PHF8: variants seen among roughly 807,000 people sequenced by gnomAD.
The protein encoded by PHF8 is PHD finger protein 8.
In PHF8, 9 loss-of-function variants were observed where a neutral mutation model predicts 74.4. The observed-to-expected ratio is 0.12, with a 90% CI of 0.07 to 0.21. The LOEUF (loss-of-function observed/expected upper bound fraction) is 0.21, where lower values mean the gene tolerates loss of function less well. Among genes scored for constraint, PHF8 ranks in the 10% least tolerant of loss-of-function variants. The probability of loss-of-function intolerance (pLI) is 1.00; values close to 1 mark genes in which losing one functional copy is unlikely to be tolerated. For missense variants in PHF8, 478 were observed against 816.6 expected (o/e 0.59, Z 5.05); for synonymous variants, 311 against 316.6 (o/e 0.98, Z 0.19).
At chrX:53,984,319 T>C (rs927453504) in intron 18 of PHF8, among the ~76,000 whole-genome samples, 3 of 111,869 alleles carry the variant, frequency 2.7e-5, no homozygotes, top group Non-Finnish European at 5.6e-5. Context: ...TGAGCTGAGA[T>C]GGCACCACTG....
At chrX:53,949,739 A>G (rs200946437) in intron 19 of PHF8, among the ~76,000 whole-genome samples, 7 of 101,289 alleles carry the variant, frequency 6.9e-5, no homozygotes, top group Non-Finnish European at 9.9e-5. Flanking sequence ...GTGAACCCGG[A>G]AGGCGGAGCT....
At chrX:54,014,649 G>A in intron 6 of PHF8, 86 bp from the exon 7 acceptor site, 1 of 655,233 alleles carries the variant, frequency 1.5e-6, no homozygotes, top group Admixed American at 2.6e-5. Flanking sequence ...AGTTCAGTGA[G>A]GGTCAGATAA....
Position 53,985,144 on chromosome X carries a change from G to A in PHF8, c.2213C>T (p.Pro738Leu), listed in dbSNP as rs781994342. 25 of 1,206,529 alleles carry A rather than the reference G, an allele frequency of 2.1e-5. No homozygotes were observed. Among genetic ancestry groups the A allele is most frequent in the East Asian group, 8.9e-5 (3 of 33,702 alleles). ...MANLQSSSSS[P>L]ATSSLQAWWT... Reference sequence around the variant, plus strand: ...CCAGGCCTGCAGGCTAGAGGTAGCCGGTGAGGACGATGAGGACTGCAGGTT... The same window carrying A: ...CCAGGCCTGCAGGCTAGAGGTAGCCAGTGAGGACGATGAGGACTGCAGGTT... Residue 738 changes from proline to leucine, a missense_variant, in exon 18 of 22, where the codon CCG becomes CTG. By Grantham distance (98) the Pro-to-Leu change is moderately conservative. Coordinates refer to ENST00000338154, the MANE Select transcript of PHF8 (RefSeq NM_015107.3).
intron 12 of PHF8, among the ~76,000 whole-genome samples, 156 bp from the exon 13 acceptor site, chrX:53,994,059 T>C: frequency 8.9e-6 from 1 of 111,976 alleles, no homozygotes; most frequent in Non-Finnish European, 1.9e-5. Context: ...TAATGAGTCA[T>C]CAAGAATTTA....
At position 54,042,837 on chromosome X, in the gene PHF8, C is replaced by A; in HGVS notation, c.-92-17G>T. 9.1e-7 allele frequency: 1 copy of A among 1,103,092 alleles called. No individual in the cohort carries two copies. The allele number at this position is 1,103,092 out of a possible 1,213,427, so 90.9% of individuals were successfully genotyped here. ...GGACGATAGCTAGGCACAAATAACACTTTTTACAGAGTGAATCAGCCCCCG... is the reference window on the plus strand; with the variant it reads ...GGACGATAGCTAGGCACAAATAACAATTTTTACAGAGTGAATCAGCCCCCG... On this transcript the variant is annotated splice_polypyrimidine_tract_variant and intron_variant, in intron 1 of 21. Transcript: ENST00000338154.
At chrX:54,027,590 T>G (rs1412002368) in intron 2 of PHF8, among the ~76,000 whole-genome samples, 4 of 111,490 alleles carry the variant, frequency 3.6e-5, no homozygotes, top group Non-Finnish European at 7.5e-5. Context: ...TCCTTGTTGA[T>G]ATATGCAATA....
intron 21 of PHF8, 72 bp downstream of exon 21, chrX:53,940,108 T>C: frequency 1.2e-6 from 1 of 854,543 alleles, no homozygotes; most frequent in Non-Finnish European, 1.7e-6. Context: ...TATTGTCATC[T>C]ACTAGAGCAC....
chrX:53,993,397 T>C (rs1005188207), intron 13 of PHF8, among the ~76,000 whole-genome samples: 1 of 112,163 alleles, frequency 8.9e-6, no homozygotes, highest in Admixed American at 9.5e-5. Context: ...TGTCAGCCTC[T>C]TGAGAGTCAC....
At chrX:53,991,416 C>A (rs2065657775) in intron 14 of PHF8, among the ~76,000 whole-genome samples, 1 of 110,954 alleles carries the variant, frequency 9.0e-6, no homozygotes, top group Non-Finnish European at 1.9e-5. Context: ...AATCCCAGCA[C>A]TTTGGGAGAC....
intron 1 of PHF8, among the ~76,000 whole-genome samples, chrX:54,043,358 A>C (rs1259980325): frequency 9.0e-6 from 1 of 110,819 alleles, no homozygotes; most frequent in African/African-American, 3.3e-5. Context: ...TAGGCGCCCA[A>C]CTCAAATCAC....
rs1484992129 is a variant in PHF8, at chrX:53,960,011, C to T, written c.2539+2833G>A. ...AAACTATGAGGTTGTCTCTTGGGAA[C>T]GGGATTGCAGGTGGGGAAAGTAGGG... On this transcript the variant is annotated intron_variant, in intron 19 of 21. Coordinates refer to ENST00000338154, the MANE Select transcript of PHF8 (RefSeq NM_015107.3). Among the ~76,000 whole-genome samples, 4 of 110,158 alleles carry T rather than the reference C, an allele frequency of 3.6e-5. No individual in the cohort carries two copies. In the East Asian group the frequency reaches 8.6e-4, roughly 24 times the overall value.
At chrX:53,971,547 T>C (rs2065290696) in intron 18 of PHF8, among the ~76,000 whole-genome samples, 1 of 111,310 alleles carries the variant, frequency 9.0e-6, no homozygotes, top group Non-Finnish European at 1.9e-5. Context: ...TTCAGGAGCT[T>C]CTTTTTTGAA....
At chrX:54,012,305 C>T (rs1391435320) in intron 7 of PHF8, among the ~76,000 whole-genome samples, 1 of 111,195 alleles carries the variant, frequency 9.0e-6, no homozygotes, top group Non-Finnish European at 1.9e-5. Flanking sequence ...GACATTCTTC[C>T]CATTATTTTT....
chrX:54,010,042 G>C (rs1395354452), intron 8 of PHF8, among the ~76,000 whole-genome samples: 1 of 109,362 alleles, frequency 9.1e-6, no homozygotes, highest in Non-Finnish European at 1.9e-5. Context: ...GGCTGGGTGC[G>C]GTGGCTCACG....
intron 15 of PHF8, 124 bp from the exon 16 acceptor site, chrX:53,987,287 AG>A: frequency 2.0e-6 from 1 of 495,307 alleles, no homozygotes; most frequent in East Asian, 3.6e-5. Context: ...TTTAGAGGTT[AG>A]GGATCAGGTG....
At position 53,984,863 on chromosome X, in the gene PHF8, G is replaced by C; in HGVS notation, c.2443+51C>G. ...TCTATTGGGACTAGGATGGAGACTGGGACTGAGGAGACCCCTTCTGGCCTG... is the reference window on the plus strand; with the variant it reads ...TCTATTGGGACTAGGATGGAGACTGCGACTGAGGAGACCCCTTCTGGCCTG... On this transcript the variant is annotated intron_variant, in intron 18 of 21. Coordinates refer to ENST00000338154, the MANE Select transcript of PHF8 (RefSeq NM_015107.3). 7.1e-6 allele frequency: 7 copies of C among 984,644 alleles called. No homozygotes were observed. The Admixed American group carries it at 1.3e-4, about 18-fold the overall frequency. The allele number at this position is 984,644 out of a possible 1,213,427, so 81.1% of individuals were successfully genotyped here. A position where few individuals can be genotyped will look rare whatever the true frequency, so the allele number is the denominator to read the frequency against.
chrX:53,985,257 G>GCTA, intron 17 of PHF8, 30 bp from the exon 18 acceptor site: 1 of 1,114,308 alleles, frequency 9.0e-7, no homozygotes, highest in Non-Finnish European at 1.2e-6. Context: ...AATACTGAGA[G>GCTA]AGTTGTTTTT....
intron 19 of PHF8, among the ~76,000 whole-genome samples, chrX:53,958,190 C>T (rs1283115042): frequency 1.8e-5 from 2 of 108,456 alleles, no homozygotes; most frequent in African/African-American, 3.4e-5. Context: ...TACAGGCGTG[C>T]GCCACCATGC....
At chrX:54,022,469 C>G (rs1457724702) in intron 3 of PHF8, 102 bp from the exon 4 acceptor site, 1 of 594,074 alleles carries the variant, frequency 1.7e-6, no homozygotes, top group African/African-American at 2.2e-5. Context: ...TCTAACCACC[C>G]CTTGGAGCAT....
Sources: gnomAD v4.1 joint callset for allele counts (sites outside exome capture counted in the v4.1 genomes callset) on GRCh38, gnomAD v4.1.1 for gene constraint, MANE v1.5 for transcripts, NCBI Gene and HGNC (gene_info 2026-07-23, HGNC 2026-07-21) for gene names.